Variants in HS3ST5 observed in about 807,000 individuals in gnomAD.
HS3ST5 encodes the protein heparan sulfate-glucosamine 3-sulfotransferase 5.
HS3ST5 carries 10 observed loss-of-function variants against 25.4 expected under a neutral mutation model. The observed-to-expected ratio is 0.39, with a 90% CI of 0.24 to 0.67. HS3ST5 has a LOEUF of 0.67. Ranked by LOEUF, HS3ST5 falls within the 30% of genes least tolerant of loss-of-function variation. The probability of loss-of-function intolerance (pLI) is 0.44; values close to 1 mark genes in which losing one functional copy is unlikely to be tolerated. For missense variants in HS3ST5, 324 were observed against 420.7 expected (o/e 0.77, Z 2.01); for synonymous variants, 170 against 162.4 (o/e 1.05, Z -0.36).
chr6:114,117,158 T>G (rs1776571134), intron 3 of HS3ST5, among the ~76,000 whole-genome samples: 1 of 152,198 alleles, frequency 6.6e-6, no homozygotes, highest in Non-Finnish European at 1.5e-5. Flanking sequence ...ATTAGAATAC[T>G]AAAATTAATG....
chr6:114,261,546 A>G (rs1773171916), intron 1 of HS3ST5, among the ~76,000 whole-genome samples: 1 of 152,198 alleles, frequency 6.6e-6, no homozygotes, highest in South Asian at 2.1e-4. Flanking sequence ...TGATATTTAT[A>G]CTATTTTTCA....
chr6:114,336,683 A>G (rs1424837163), intron 1 of HS3ST5, among the ~76,000 whole-genome samples: 1 of 152,198 alleles, frequency 6.6e-6, no homozygotes, highest in Non-Finnish European at 1.5e-5. Context: ...CCAAGACACC[A>G]TAGTTAATAA....
At chr6:114,288,766 T>C (rs1313787714) in intron 1 of HS3ST5, among the ~76,000 whole-genome samples, 1 of 152,080 alleles carries the variant, frequency 6.6e-6, no homozygotes, top group Non-Finnish European at 1.5e-5. Flanking sequence ...TTCCCAGAAA[T>C]GATTAGATGT....
chr6:114,168,114 TC>T (rs541602196), intron 3 of HS3ST5, among the ~76,000 whole-genome samples: 126 of 152,002 alleles, frequency 8.3e-4, no homozygotes, highest in Admixed American at 1.4e-3. Context: ...TAAAAAAGAA[TC>T]CATTTCATTG....
intron 1 of HS3ST5, among the ~76,000 whole-genome samples, chr6:114,302,676 C>G (rs1477653590): frequency 1.3e-5 from 2 of 152,146 alleles, no homozygotes; most frequent in African/African-American, 4.8e-5. Context: ...AATTTGTGAG[C>G]AAAGGACTGT....
intron 2 of HS3ST5, among the ~76,000 whole-genome samples, chr6:114,222,995 A>G (rs1314998179): frequency 1.3e-5 from 2 of 151,784 alleles, no homozygotes; most frequent in African/African-American, 4.8e-5. Flanking sequence ...GATCTAGTAG[A>G]AGGAAAGAAA....
intron 2 of HS3ST5, among the ~76,000 whole-genome samples, chr6:114,188,991 A>T (rs1405347622): frequency 6.6e-6 from 1 of 151,984 alleles, no homozygotes; most frequent in Non-Finnish European, 1.5e-5. Context: ...ATTAAATCTC[A>T]TGTTTCTTGA....
intron 1 of HS3ST5, among the ~76,000 whole-genome samples, chr6:114,263,710 A>C (rs1773279789): frequency 6.6e-6 from 1 of 152,228 alleles, no homozygotes; most frequent in African/African-American, 2.4e-5. Context: ...CAAGGTATGT[A>C]GTCAGCAGTG....
At chr6:114,307,522 C>T (rs975016792) in intron 1 of HS3ST5, among the ~76,000 whole-genome samples, 2 of 151,280 alleles carry the variant, frequency 1.3e-5, no homozygotes, top group African/African-American at 4.9e-5. Context: ...TCCTTGATGT[C>T]GGTCTAAAAT....
intron 1 of HS3ST5, among the ~76,000 whole-genome samples, chr6:114,283,313 T>G (rs970206918): frequency 6.6e-6 from 1 of 151,892 alleles, no homozygotes; most frequent in Non-Finnish European, 1.5e-5. Flanking sequence ...CAAGATGATA[T>G]ATATCATTGC....
intron 1 of HS3ST5, among the ~76,000 whole-genome samples, chr6:114,256,163 C>A (rs1472440934): frequency 1.3e-5 from 2 of 152,174 alleles, no homozygotes; most frequent in East Asian, 3.9e-4. Flanking sequence ...CCAAGGTGGG[C>A]AGATCACAAG....
intron 1 of HS3ST5, among the ~76,000 whole-genome samples, chr6:114,304,195 T>A (rs975713999): frequency 6.6e-6 from 1 of 152,122 alleles, no homozygotes; most frequent in Non-Finnish European, 1.5e-5. Flanking sequence ...AGGAAGCAGT[T>A]AGAAAGATGA....
At chr6:114,064,350 C>T (rs1175571128) in intron 3 of HS3ST5, among the ~76,000 whole-genome samples, 2 of 152,082 alleles carry the variant, frequency 1.3e-5, no homozygotes, top group Admixed American at 1.3e-4. Context: ...AGTTTTATTC[C>T]TTAGAAAACT....
intron 2 of HS3ST5, among the ~76,000 whole-genome samples, chr6:114,190,460 T>C (rs1236401649): frequency 6.6e-6 from 1 of 152,208 alleles, no homozygotes; most frequent in African/African-American, 2.4e-5. Context: ...GCATGCATTT[T>C]GGCTTTACAT....
chr6:114,207,767 T>C (rs921644553), intron 2 of HS3ST5, among the ~76,000 whole-genome samples: 5 of 152,180 alleles, frequency 3.3e-5, no homozygotes, highest in African/African-American at 1.2e-4. Context: ...CTGTATTATA[T>C]TGTACTATCT....
chr6:114,212,404 C>T (rs1486864290), intron 2 of HS3ST5, among the ~76,000 whole-genome samples: 1 of 152,152 alleles, frequency 6.6e-6, no homozygotes, highest in East Asian at 1.9e-4. Context: ...GTAATGAGCA[C>T]TCCTCCAATT....
rs546837400 is a variant in HS3ST5 at position 114,298,666 on chromosome 6, G to A, written c.-339+43529C>T. ...GGGACCCCGAATGGGGGGACCGGCTGAAGCCATGGAAGAAGAACGTGGATT... is the reference window on the plus strand; with the variant it reads ...GGGACCCCGAATGGGGGGACCGGCTAAAGCCATGGAAGAAGAACGTGGATT... On this transcript the variant is annotated intron_variant, in intron 1 of 4. Transcript: ENST00000312719. Among the ~76,000 whole-genome samples, 19 of 152,382 alleles carry A rather than the reference G, an allele frequency of 1.2e-4. No homozygotes were observed. In the South Asian group the frequency reaches 3.9e-3, roughly 32 times the overall value.
At chr6:114,329,597 G>A (rs1260489197) in intron 1 of HS3ST5, among the ~76,000 whole-genome samples, 1 of 152,142 alleles carries the variant, frequency 6.6e-6, no homozygotes, top group Non-Finnish European at 1.5e-5. Context: ...GGAATCTCAA[G>A]GAGTAAAGTG....
At chr6:114,210,306 A>G (rs958096241) in intron 2 of HS3ST5, among the ~76,000 whole-genome samples, 2 of 152,164 alleles carry the variant, frequency 1.3e-5, no homozygotes, top group Admixed American at 6.5e-5. Context: ...TTGCACCTCA[A>G]TTATATGAAC....
Sources: gnomAD v4.1 joint callset for allele counts (sites outside exome capture counted in the v4.1 genomes callset) on GRCh38, gnomAD v4.1.1 for gene constraint, MANE v1.5 for transcripts, NCBI Gene and HGNC (gene_info 2026-07-23, HGNC 2026-07-21) for gene names.